The following SHROOM4 variants were observed in gnomAD, a reference collection of about 807,000 sequenced individuals.
SHROOM4 encodes the protein shroom family member 4, also known as protein Shroom4.
SHROOM4 carries 17 observed loss-of-function variants against 80.3 expected under a neutral mutation model. That is an observed-to-expected ratio of 0.21 (90% CI 0.14 to 0.32). The LOEUF is 0.32. SHROOM4 is among the 10% of genes least tolerant of loss of function. The pLI is 1.00. For synonymous variants in SHROOM4, 400 were observed against 437.5 expected (o/e 0.91, Z 1.07); for missense variants, 993 against 1,140.3 (o/e 0.87, Z 1.86).
At chrX:50,581,992 C>T (rs1177714983), downstream of SHROOM4, among the ~76,000 whole-genome samples, 1 of 111,956 alleles carries the variant, frequency 8.9e-6, no homozygotes, top group Non-Finnish European at 1.9e-5. Flanking sequence ...TGATCCCCAC[C>T]TCCTGGTGTT....
intron 1 of SHROOM4, among the ~76,000 whole-genome samples, chrX:50,727,815 G>A (rs1934274811): frequency 9.0e-6 from 1 of 111,690 alleles, no homozygotes; most frequent in Non-Finnish European, 1.9e-5. Context: ...ATATAATAGG[G>A]GTGTCAATCT....
intron 2 of SHROOM4, among the ~76,000 whole-genome samples, chrX:50,692,340 C>A (rs369491659): frequency 8.9e-6 from 1 of 111,775 alleles, no homozygotes. Context: ...GCACATCATT[C>A]TCTGCAGGTT....
In SHROOM4 at chrX:50,690,419, T is replaced by C. The variant is rs781903119; in HGVS notation, c.269+5367A>G. ...ACCTAGTCCTTGGTTTCATATTATA[T>C]TGAATTATTAGTCATTTAATTTCAT... is the stretch of plus-strand genomic sequence containing the variant. On this transcript the variant is annotated intron_variant, in intron 2 of 8. Transcript: ENST00000376020. Among the ~76,000 whole-genome samples, 20 of 111,999 alleles carry C rather than the reference T, an allele frequency of 1.8e-4. No homozygotes were observed. In the South Asian group the frequency reaches 5.6e-3, roughly 31 times the overall value.
At chrX:50,610,920 G>A (rs1019707187) in intron 5 of SHROOM4, among the ~76,000 whole-genome samples, 63 of 111,035 alleles carry the variant, frequency 5.7e-4, no homozygotes, top group African/African-American at 1.9e-3. Flanking sequence ...AACAAAATAT[G>A]AGACTGTTTC....
chrX:50,652,383 G>C (rs1317367837), intron 2 of SHROOM4, among the ~76,000 whole-genome samples: 2 of 112,010 alleles, frequency 1.8e-5, no homozygotes, highest in Non-Finnish European at 3.8e-5. Flanking sequence ...CTTCTTTTGA[G>C]AAGTGTCTGT....
rs1309428675 is a variant in SHROOM4, at chrX:50,596,460, G to C, written c.*235C>G. The C allele has an allele frequency of 5.9e-6, 3 of 509,903 alleles. No homozygotes were observed. Among genetic ancestry groups the C allele is most frequent in the Non-Finnish European group, 1.0e-5 (3 of 287,162 alleles). The allele number at this position is 509,903 out of a possible 1,213,427, so 42.0% of individuals were successfully genotyped here. A position where few individuals can be genotyped will look rare whatever the true frequency, so the allele number is the denominator to read the frequency against. On this transcript the variant is annotated 3_prime_UTR_variant, in exon 9 of 9. Coordinates refer to ENST00000376020, the MANE Select transcript of SHROOM4 (RefSeq NM_020717.5). ...CCTTGGCAACTGTGGGAAGGAGAGT[G>C]TGGTTCTAAGATCACACCTTGCTGC...
intron 4 of SHROOM4, 143 bp downstream of exon 4, chrX:50,633,035 C>A: frequency 1.6e-6 from 1 of 622,419 alleles, no homozygotes; most frequent in Admixed American, 3.5e-5. Flanking sequence ...GTATCTTTTT[C>A]AAGGTTACTA....
In SHROOM4 at chrX:50,653,075, T is replaced by A. The variant is rs144950801; in HGVS notation, c.270-14767A>T. On this transcript the variant is annotated intron_variant, in intron 2 of 8. Transcript: ENST00000376020. ...GCTCTTTTTTTGGTTCCATATGAAATTTAAAGTACGTTTTTCTAATTCTGT... is the reference window on the plus strand; with the variant it reads ...GCTCTTTTTTTGGTTCCATATGAAAATTAAAGTACGTTTTTCTAATTCTGT... Among the ~76,000 whole-genome samples, 859 of 111,751 alleles carry A rather than the reference T, an allele frequency of 7.7e-3. 11 individuals are homozygous for A. The highest frequency in any genetic ancestry group is 0.026 in the African/African-American group (801 of 30,711).
intron 1 of SHROOM4, among the ~76,000 whole-genome samples, chrX:50,699,593 C>T (rs1281705746): frequency 8.9e-6 from 1 of 112,427 alleles, no homozygotes; most frequent in Non-Finnish European, 1.9e-5. Flanking sequence ...TCCACTGTTT[C>T]AGAGTGGTCC....
intron 1 of SHROOM4, among the ~76,000 whole-genome samples, chrX:50,724,986 G>A (rs1934213604): frequency 8.9e-6 from 1 of 112,034 alleles, no homozygotes; most frequent in Non-Finnish European, 1.9e-5. Flanking sequence ...AATGGCTTAT[G>A]GAAAGTGAAG....
chrX:50,647,490 A>C (rs2147331939), intron 2 of SHROOM4, among the ~76,000 whole-genome samples: 1 of 111,782 alleles, frequency 8.9e-6, no homozygotes, highest in East Asian at 2.8e-4. Context: ...CATGATGCCC[A>C]GTTTCCTAAA....
chrX:50,638,267 G>A lies in SHROOM4; in HGVS notation c.311C>T (p.Ala104Val), dbSNP rs1931443167. 8.3e-7 allele frequency: 1 copy of A among 1,211,655 alleles called. No individual in the cohort carries two copies. Among genetic ancestry groups the A allele is most frequent in the Admixed American group, 2.2e-5 (1 of 46,075 alleles). ...PVSRPHSWHV[A>V]KLLEGCPEAA... ...TTCAGGGCATCCCTCCAGCAGCTTG[G>A]CCACATGCCATGAGTGCGGCCTACT... Residue 104 changes from alanine to valine, a missense_variant, in exon 3 of 9, where the codon GCC becomes GTC. Ala to Val is a moderately conservative substitution (Grantham distance 64). Coordinates refer to ENST00000376020, the MANE Select transcript of SHROOM4 (RefSeq NM_020717.5).
chrX:50,591,789 C>T lies in SHROOM4; in HGVS notation c.*4906G>A, dbSNP rs782362927. ...ATGGAGTGCAGTGGTGTGGTCTCAGCTCACTGCAATCTCTGCCTTCCAGGT... is the reference window on the plus strand; with the variant it reads ...ATGGAGTGCAGTGGTGTGGTCTCAGTTCACTGCAATCTCTGCCTTCCAGGT... On this transcript the variant is annotated 3_prime_UTR_variant, in exon 9 of 9. Transcript: ENST00000376020. 1.9e-4 allele frequency: 59 copies of T among 305,987 alleles called. No homozygotes were observed. Among genetic ancestry groups the T allele is most frequent in the Non-Finnish European group, 8.1e-5 (13 of 160,761 alleles). The allele number at this position is 305,987 out of a possible 1,213,427, so 25.2% of individuals were successfully genotyped here.
At chrX:50,802,358 G>T (rs1350525124) in intron 1 of SHROOM4, among the ~76,000 whole-genome samples, 2 of 111,811 alleles carry the variant, frequency 1.8e-5, no homozygotes, top group Non-Finnish European at 3.8e-5. Flanking sequence ...CTCCCCAACT[G>T]CCTAGGGACT....
chrX:50,654,065 G>C (rs1261884057), intron 2 of SHROOM4, among the ~76,000 whole-genome samples: 2 of 111,770 alleles, frequency 1.8e-5, no homozygotes, highest in African/African-American at 6.5e-5. Flanking sequence ...TGCTTTCCAA[G>C]GTAGGCTGGA....
chrX:50,718,852 T>C (rs1158868021), intron 1 of SHROOM4, among the ~76,000 whole-genome samples: 2 of 111,738 alleles, frequency 1.8e-5, no homozygotes, highest in Non-Finnish European at 3.8e-5. Context: ...CTTTTTATTC[T>C]CTTGGCTACA....
At chrX:50,626,410 G>A (rs782145860) in intron 5 of SHROOM4, among the ~76,000 whole-genome samples, 1 of 111,950 alleles carries the variant, frequency 8.9e-6, no homozygotes, top group East Asian at 2.8e-4. Flanking sequence ...AGTAAAAGCT[G>A]GGCTTAATTC....
chrX:50,702,498 G>A (rs1056590999), intron 1 of SHROOM4, among the ~76,000 whole-genome samples: 1 of 111,791 alleles, frequency 8.9e-6, no homozygotes, highest in East Asian at 2.8e-4. Context: ...AGCAATATAT[G>A]TAATAAAATG....
intron 2 of SHROOM4, 123 bp from the exon 3 acceptor site, chrX:50,638,431 G>T: frequency 1.1e-6 from 1 of 906,103 alleles, no homozygotes; most frequent in Non-Finnish European, 1.5e-6. Flanking sequence ...AGGAACTGGT[G>T]TGGGAATCTT....
Sources: allele counts gnomAD v4.1 joint callset (sites outside exome capture counted in the v4.1 genomes callset), GRCh38; gene constraint gnomAD v4.1.1; transcripts MANE v1.5; gene names NCBI Gene and HGNC (gene_info 2026-07-23, HGNC 2026-07-21).